ACAD8: variants seen among roughly 807,000 people sequenced by gnomAD.
ACAD8 encodes isobutyryl-CoA dehydrogenase, mitochondrial.
ACAD8 carries 47 observed loss-of-function variants against 53.1 expected under a neutral mutation model. The observed-to-expected ratio is 0.89, with a 90% CI of 0.70 to 1.13. ACAD8 has a LOEUF of 1.13. Ranked by LOEUF, ACAD8 falls within the 50% of genes most tolerant of loss-of-function variation. The pLI is 0.00. For missense variants in ACAD8, 494 were observed against 535.0 expected (o/e 0.92, Z 0.76); for synonymous variants, 198 against 201.3 (o/e 0.98, Z 0.14).
rs781438252 is a variant in ACAD8 at position 134,261,814 on chromosome 11, C to T, written c.1016C>T (p.Ala339Val). 6.2e-7 allele frequency: 1 copy of T among 1,614,214 alleles called. No homozygotes were observed. Among genetic ancestry groups the T allele is most frequent in the South Asian group, 1.1e-5 (1 of 91,090 alleles). The change falls in exon 9 of 11, where the codon GCT becomes GTT. Residue 339 changes from alanine (A) to valine (V), a missense_variant. By Grantham distance (64) the Ala-to-Val change is moderately conservative. Transcript: ENST00000281182. This position sits in a 1 kb window ranked among gnomAD's most constrained non-coding sequence, Gnocchi z 4.2. Reference sequence around the variant, plus strand: ...CTGATGGTCCGCAATGCAGCAGTGGCTCTGCAGGAGGAGAGGAAGGATGCA... The same window carrying T: ...CTGATGGTCCGCAATGCAGCAGTGGTTCTGCAGGAGGAGAGGAAGGATGCA... ...ARLMVRNAAV[A>V]LQEERKDAVA...
In ACAD8 at chr11:134,261,963, A is replaced by T; in HGVS notation, c.1092+73A>T. 1.3e-6 allele frequency: 2 copies of T among 1,578,244 alleles called. No homozygotes were observed. The highest frequency in any genetic ancestry group is 3.4e-5 in the Admixed American group (2 of 57,980). On this transcript the variant is annotated intron_variant, in intron 9 of 10. Transcript: ENST00000281182. This position sits in a 1 kb window ranked among gnomAD's most constrained non-coding sequence, Gnocchi z 4.2. ...AGGCCCAGGGGTCTTGAGAGACATG[A>T]GTCAGATTTGGAACCCAGCCCTCCT...
chr11:134,260,934 G>A (rs1223556108), intron 6 of ACAD8, 110 bp from the exon 7 acceptor site: 3 of 1,278,036 alleles, frequency 2.3e-6, no homozygotes, highest in Non-Finnish European at 3.3e-6. Flanking sequence ...AGTTCTTGTG[G>A]GTCTAAGTCT....
rs767728903 is a variant in ACAD8, at chr11:134,253,654, C to T, written c.54C>T (p.Gly18=). 4.4e-6 allele frequency: 7 copies of T among 1,596,530 alleles called. No homozygotes were observed. The highest frequency in any genetic ancestry group is 1.7e-4 in the Middle Eastern group (1 of 6,038). Residue 18 remains glycine, a synonymous_variant, in exon 1 of 11, where the codon GGC becomes GGT. Coordinates refer to ENST00000281182, the MANE Select transcript of ACAD8 (RefSeq NM_014384.3). ...RFGARLGCLP[G]GLRVLVQTGH... Reference sequence around the variant, plus strand: ...GGGCGCGCCTCGGCTGCCTGCCCGGCGGTCTCCGGGTCCTCGTCCAGACCG... The same window carrying T: ...GGGCGCGCCTCGGCTGCCTGCCCGGTGGTCTCCGGGTCCTCGTCCAGACCG...
chr11:134,260,907 T>C, intron 6 of ACAD8, 137 bp from the exon 7 acceptor site: 3 of 1,015,472 alleles, frequency 3.0e-6, no homozygotes, highest in Non-Finnish European at 4.5e-6. Context: ...CTGAACTTTT[T>C]CTTTTTCCTC....
At chr11:134,260,163 G>A in intron 6 of ACAD8, 1 of 1,148,608 alleles carries the variant, frequency 8.7e-7, no homozygotes, top group Non-Finnish European at 1.1e-6. Flanking sequence ...AAACTCATTG[G>A]AGATGATTGT....
In ACAD8 at chr11:134,263,268, C is replaced by T. The variant is rs757795776; in HGVS notation, c.1195+646C>T. 242 of 1,001,958 alleles carry T rather than the reference C, an allele frequency of 2.4e-4. 2 individuals are homozygous for T. The highest frequency in any genetic ancestry group is 2.1e-3 in the Middle Eastern group (4 of 1,946). The allele number at this position is 1,001,958 out of a possible 1,614,324, so 62.1% of individuals were successfully genotyped here. A position where few individuals can be genotyped will look rare whatever the true frequency, so the allele number is the denominator to read the frequency against. On this transcript the variant is annotated intron_variant, in intron 10 of 10. Coordinates refer to ENST00000281182, the MANE Select transcript of ACAD8 (RefSeq NM_014384.3). ...GGGCAGAGGCTTCTTTGAGTGACTTCGGTGAAGCAACGTGAGGCTGCCTTG... is the reference window on the plus strand; with the variant it reads ...GGGCAGAGGCTTCTTTGAGTGACTTTGGTGAAGCAACGTGAGGCTGCCTTG...
intron 2 of ACAD8, 131 bp downstream of exon 2, chr11:134,256,779 G>T: frequency 1.2e-6 from 1 of 825,434 alleles, no homozygotes; most frequent in Non-Finnish European, 1.9e-6. Context: ...TGAGAATACC[G>T]GTAGTGGATG....
At chr11:134,257,582 A>T (rs1481691804) in intron 3 of ACAD8, among the ~76,000 whole-genome samples, 1 of 151,944 alleles carries the variant, frequency 6.6e-6, no homozygotes, top group African/African-American at 2.4e-5. Context: ...CTGAGGCAGG[A>T]GGATGGTGTG....
chr11:134,258,357 T>G (rs1939667049), intron 3 of ACAD8, 158 bp from the exon 4 acceptor site: 3 of 681,058 alleles, frequency 4.4e-6, no homozygotes, highest in East Asian at 5.4e-5. Flanking sequence ...ATCCACCGTT[T>G]GCCTTTAAAG....
intron 10 of ACAD8, chr11:134,263,736 CAAT>C: frequency 1.0e-6 from 1 of 985,438 alleles, no homozygotes. Context: ...CTCCACCCTG[CAAT>C]AATAAGCAGG....
Position 134,265,605 on chromosome 11 carries a change from C to T in ACAD8, c.*645C>T, listed in dbSNP as rs1192172654. On this transcript the variant is annotated 3_prime_UTR_variant, in exon 11 of 11. Transcript: ENST00000281182. ...TTCGTTGGGTTTCATGTTAAGAAGC[C>T]TGTGGTCTAGGAGTGCTATTCAGTG... is the stretch of plus-strand genomic sequence containing the variant. The T allele has an allele frequency of 6.6e-6, 1 of 152,446 alleles. No homozygotes were observed. The highest frequency in any genetic ancestry group is 2.4e-5 in the African/African-American group (1 of 41,436). 9.4% of individuals were successfully genotyped at this position (152,446 alleles called of 1,614,324 possible). A position where few individuals can be genotyped will look rare whatever the true frequency, so the allele number is the denominator to read the frequency against.
At chr11:134,257,398 G>A in intron 3 of ACAD8, 141 bp downstream of exon 3, 2 of 1,112,280 alleles carry the variant, frequency 1.8e-6, no homozygotes, top group Non-Finnish European at 2.6e-6. Flanking sequence ...TAGGGGCCGG[G>A]CGCAGTGGCT....
chr11:134,260,837 T>G, intron 6 of ACAD8: 1 of 605,784 alleles, frequency 1.7e-6, no homozygotes. Context: ...ATTCTCTTAA[T>G]AAGTTAGAAA....
Position 134,261,519 on chromosome 11 carries a change from A to G in ACAD8, c.939+147A>G. On this transcript the variant is annotated intron_variant, in intron 8 of 10. Transcript: ENST00000281182. The surrounding 1 kb of genome is among the most constrained non-coding windows in gnomAD (Gnocchi z 4.2). ...CAGAGCTTGTGCTTTATTTCTGTCC[A>G]TCTTTTCTTGGGATATCTTTAACGA... 1.3e-6 allele frequency: 2 copies of G among 1,509,336 alleles called. No homozygotes were observed. Among genetic ancestry groups the G allele is most frequent in the Admixed American group, 2.0e-5 (1 of 51,238 alleles). 93.5% of individuals were successfully genotyped at this position (1,509,336 alleles called of 1,614,324 possible).
At position 134,257,167 on chromosome 11, in the gene ACAD8, G is replaced by C; in HGVS notation, c.290G>C (p.Gly97Ala). 1.2e-6 allele frequency: 2 copies of C among 1,614,150 alleles called. No homozygotes were observed. Among genetic ancestry groups the C allele is most frequent in the Non-Finnish European group, 1.7e-6 (2 of 1,180,036 alleles). Reference sequence around the variant, plus strand: ...GTCTACATACAAACAGATGTGGGCGGGTCTGGGCTGTCACGTCTTGATACC... The same window carrying C: ...GTCTACATACAAACAGATGTGGGCGCGTCTGGGCTGTCACGTCTTGATACC... ...GGVYIQTDVGGSGLSRLDTSV... is the reference protein window; with the variant it reads ...GGVYIQTDVGASGLSRLDTSV... The change falls in exon 3 of 11, where the codon GGG becomes GCG. Residue 97 changes from glycine to alanine, a missense_variant. Physicochemically the swap from Gly to Ala is moderately conservative, Grantham distance 60 (BLOSUM62 0). Coordinates refer to ENST00000281182, the MANE Select transcript of ACAD8 (RefSeq NM_014384.3).
chr11:134,262,054 G>C, intron 9 of ACAD8, 164 bp downstream of exon 9: 1 of 817,662 alleles, frequency 1.2e-6, no homozygotes, highest in Non-Finnish European at 2.0e-6. Flanking sequence ...CTATGTGGGA[G>C]CTCTCATCGC....
At chr11:134,257,029 C>G (rs942282874) in intron 2 of ACAD8, 59 bp from the exon 3 acceptor site, 1 of 1,597,926 alleles carries the variant, frequency 6.3e-7, no homozygotes, top group East Asian at 2.2e-5. Flanking sequence ...ACTGTGCCCT[C>G]TAAAAGGAAG....
At position 134,258,692 on chromosome 11, in the gene ACAD8, G is replaced by A. The variant is rs1939697179; in HGVS notation, c.490+68G>A. The A allele has an allele frequency of 4.2e-6, 5 of 1,182,558 alleles. No individual in the cohort carries two copies. The African/African-American group carries it at 4.5e-5, about 11-fold the overall frequency. The allele number at this position is 1,182,558 out of a possible 1,614,324, so 73.3% of individuals were successfully genotyped here. A position where few individuals can be genotyped will look rare whatever the true frequency, so the allele number is the denominator to read the frequency against. Reference sequence around the variant, plus strand: ...CTTCCTGCTCAGATGGCATTACCGAGCACTCCTTCCAGCCTCTTGACATGT... The same window carrying A: ...CTTCCTGCTCAGATGGCATTACCGAACACTCCTTCCAGCCTCTTGACATGT... On this transcript the variant is annotated intron_variant, in intron 4 of 10. Coordinates refer to ENST00000281182, the MANE Select transcript of ACAD8 (RefSeq NM_014384.3).
chr11:134,254,573 G>A (rs1565369267), intron 1 of ACAD8, among the ~76,000 whole-genome samples: 1 of 152,188 alleles, frequency 6.6e-6, no homozygotes, highest in African/African-American at 2.4e-5. Flanking sequence ...ATAAAGTACA[G>A]TAAGGCATAG....
Sources: allele counts gnomAD v4.1 joint callset (sites outside exome capture counted in the v4.1 genomes callset), GRCh38; gene constraint gnomAD v4.1.1; non-coding constraint Gnocchi (gnomAD v3.1); transcripts MANE v1.5; gene names NCBI Gene and HGNC (gene_info 2026-07-23, HGNC 2026-07-21).